COG6: variants seen among roughly 807,000 people sequenced by gnomAD.
COG6 encodes conserved oligomeric Golgi complex subunit 6.
COG6 carries 74 observed loss-of-function variants against 88.8 expected under a neutral mutation model. The ratio of observed to expected loss-of-function variants is 0.83; its 90% CI spans 0.69 to 1.01. The LOEUF is 1.01. Among genes scored for constraint, COG6 ranks in the 50% least tolerant of loss-of-function variants. The pLI is 0.00. For missense variants in COG6, 800 were observed against 797.9 expected, an observed-to-expected ratio of 1.00 and a Z score of -0.03; for synonymous variants, 286 against 278.7, an observed-to-expected ratio of 1.03 and a Z score of -0.26.
downstream of COG6, among the ~76,000 whole-genome samples, chr13:39,756,800 A>G (rs1455572023): frequency 6.6e-6 from 1 of 152,186 alleles, no homozygotes; most frequent in East Asian, 1.9e-4. Context: ...CTGTGAAAAC[A>G]TAGGAGAAAT....
intron 18 of COG6, among the ~76,000 whole-genome samples, chr13:39,761,831 A>T (rs1472738140): frequency 6.6e-6 from 1 of 151,854 alleles, no homozygotes; most frequent in African/African-American, 2.4e-5. Flanking sequence ...CCACAATGAG[A>T]TATTATCTCA....
intron 3 of COG6, among the ~76,000 whole-genome samples, chr13:39,663,093 A>AAT (rs995048708): frequency 7.3e-4 from 61 of 83,618 alleles, no homozygotes; most frequent in Non-Finnish European, 6.4e-4. Context: ...TTAAATAATA[A>AAT]ACATGCATTT....
rs545592318 is a variant in COG6, at chr13:39,744,798, A to G, written c.1827-6148A>G. 2.0e-5 allele frequency among the ~76,000 whole-genome samples: 3 copies of G among 152,334 alleles called. No individual in the cohort carries two copies. The East Asian group carries it at 5.8e-4, about 29-fold the overall frequency. ...AAAAAGAGCCCACATTGCCAAGACA[A>G]TCCTAAGCCAAAAGAACAAAGCTGG... On this transcript the variant is annotated intron_variant, in intron 18 of 18. Coordinates refer to ENST00000455146, the MANE Select transcript of COG6 (RefSeq NM_020751.3).
intron 4 of COG6, among the ~76,000 whole-genome samples, chr13:39,665,653 T>C (rs901140025): frequency 1.3e-5 from 2 of 152,216 alleles, no homozygotes; most frequent in Admixed American, 6.5e-5. Context: ...TGTGTGGTGT[T>C]CAGTATTGCT....
intron 18 of COG6, among the ~76,000 whole-genome samples, chr13:39,728,311 C>T (rs528810816): frequency 4.3e-4 from 66 of 152,220 alleles, no homozygotes; most frequent in African/African-American, 1.6e-3. Context: ...TTGAACAAAA[C>T]ATTTCAGATA....
intron 18 of COG6, among the ~76,000 whole-genome samples, chr13:39,777,519 G>T (rs781603733): frequency 1.6e-4 from 24 of 152,166 alleles, no homozygotes; most frequent in Non-Finnish European, 2.8e-4. Context: ...AAACCGGCCA[G>T]GTTTGTATTA....
intron 18 of COG6, among the ~76,000 whole-genome samples, chr13:39,787,271 G>A: frequency 6.6e-6 from 1 of 152,186 alleles, no homozygotes; most frequent in South Asian, 2.1e-4. Flanking sequence ...TGCCTGCCAA[G>A]AAGATGGGGT....
At chr13:39,755,263 T>C (rs1390725297), downstream of COG6, among the ~76,000 whole-genome samples, 1 of 152,162 alleles carries the variant, frequency 6.6e-6, no homozygotes, top group African/African-American at 2.4e-5. Flanking sequence ...CATACCTTGC[T>C]CCCTAGTTCA....
exon 19 of COG6, chr13:39,789,073 T>C (rs1881861456): frequency 1.3e-5 from 2 of 152,212 alleles, no homozygotes; most frequent in African/African-American, 2.4e-5. Flanking sequence ...CCATAGGCAA[T>C]CCCTGTTGCC....
Position 39,717,249 on chromosome 13 carries a change from A to T in COG6, c.1285-1987A>T, listed in dbSNP as rs1878574565. On this transcript the variant is annotated intron_variant, in intron 13 of 18. Transcript: ENST00000455146. ...TTATTTCTTTTTAGTTGCTTTCAGG[A>T]TTATCTGTCTTTTGACAGTTTGATT... is the stretch of plus-strand genomic sequence containing the variant. Among the ~76,000 whole-genome samples the T allele has an allele frequency of 2.0e-5, 3 of 151,258 alleles. No homozygotes were observed. In the South Asian group the frequency reaches 6.3e-4, roughly 32 times the overall value.
At chr13:39,765,210 C>T (rs1471625271) in intron 18 of COG6, among the ~76,000 whole-genome samples, 5 of 152,166 alleles carry the variant, frequency 3.3e-5, no homozygotes, top group Non-Finnish European at 7.3e-5. Context: ...CTCTCTCTTT[C>T]TGTCTCCTAT....
At chr13:39,662,848 A>G (rs1354854614) in intron 3 of COG6, among the ~76,000 whole-genome samples, 2 of 152,144 alleles carry the variant, frequency 1.3e-5, no homozygotes, top group African/African-American at 4.8e-5. Context: ...GTATACATTC[A>G]TAATATCAAC....
At chr13:39,776,388 A>G (rs1168332527) in intron 18 of COG6, among the ~76,000 whole-genome samples, 1 of 152,210 alleles carries the variant, frequency 6.6e-6, no homozygotes, top group East Asian at 1.9e-4. Context: ...TTTATTTCCA[A>G]TATAGACCTA....
chr13:39,756,541 G>A (rs536169903), downstream of COG6, among the ~76,000 whole-genome samples: 120 of 152,132 alleles, frequency 7.9e-4, 1 homozygote, highest in Admixed American at 2.3e-3. Context: ...GCTCCAAGTC[G>A]GATGAACTAA....
chr13:39,749,316 A>G (rs1019465126), intron 18 of COG6, among the ~76,000 whole-genome samples: 2 of 152,236 alleles, frequency 1.3e-5, no homozygotes, highest in African/African-American at 2.4e-5. Flanking sequence ...CTGGGTTTTA[A>G]GGGACATGTG....
chr13:39,775,770 ATT>A (rs200096309), intron 18 of COG6, among the ~76,000 whole-genome samples: 5 of 145,288 alleles, frequency 3.4e-5, no homozygotes, highest in Admixed American at 1.4e-4. Context: ...TACATCTGAA[ATT>A]TTTTTTTTTT....
In COG6 at chr13:39,714,235, T is replaced by TA. The variant is rs397953967; in HGVS notation, c.1285-4999dup. On this transcript the variant is annotated intron_variant, in intron 13 of 18. Coordinates refer to ENST00000455146, the MANE Select transcript of COG6 (RefSeq NM_020751.3). ...GTTAATTTTTGAAAGTTTTTTTTTT[T>TA]AAGATTTATTGCTTCCAAGTGCAAC... 1.5e-4 allele frequency among the ~76,000 whole-genome samples: 22 copies of TA among 151,292 alleles called. No individual in the cohort carries two copies. The East Asian group carries it at 3.9e-3, about 27-fold the overall frequency.
intron 18 of COG6, among the ~76,000 whole-genome samples, chr13:39,773,573 G>T (rs1228282979): frequency 1.3e-5 from 2 of 152,184 alleles, no homozygotes; most frequent in African/African-American, 4.8e-5. Context: ...TAATAAAAGA[G>T]CTGGGCCACT....
At chr13:39,752,752 C>A, downstream of COG6, 1 of 878,378 alleles carries the variant, frequency 1.1e-6, no homozygotes, top group Non-Finnish European at 1.4e-6. Flanking sequence ...GTGAAAGACT[C>A]ACAGGAAAAA....
Sources: allele counts gnomAD v4.1 joint callset (sites outside exome capture counted in the v4.1 genomes callset), GRCh38; gene constraint gnomAD v4.1.1; transcripts MANE v1.5; gene names NCBI Gene and HGNC (gene_info 2026-07-23, HGNC 2026-07-21).